Variants in CEP162 observed in about 807,000 individuals in gnomAD.
The protein encoded by CEP162 is centrosomal protein of 162 kDa.
CEP162 carries 141 observed loss-of-function variants against 169.2 expected under a neutral mutation model. The ratio of observed to expected loss-of-function variants is 0.83; its 90% CI spans 0.73 to 0.96. The LOEUF (loss-of-function observed/expected upper bound fraction) is 0.96, where lower values mean the gene tolerates loss of function less well. CEP162 is among the 40% of genes least tolerant of loss of function. CEP162 has a pLI of 0.00. For missense variants in CEP162, 1,600 were observed against 1,587.2 expected, an observed-to-expected ratio of 1.01 and a Z score of -0.14; for synonymous variants, 540 against 526.4, an observed-to-expected ratio of 1.03 and a Z score of -0.35.
intron 25 of CEP162, among the ~76,000 whole-genome samples, chr6:84,138,194 T>C (rs976046428): frequency 6.6e-6 from 1 of 152,216 alleles, no homozygotes; most frequent in East Asian, 1.9e-4. Context: ...TGTGGTCATG[T>C]GGAGTCAAGG....
At chr6:84,219,221 T>C in intron 3 of CEP162, 1 of 1,134,944 alleles carries the variant, frequency 8.8e-7, no homozygotes, top group Non-Finnish European at 1.2e-6. Flanking sequence ...ATGCCTAGTA[T>C]TTAGAACATA....
intron 16 of CEP162, among the ~76,000 whole-genome samples, chr6:84,172,748 C>A (rs1452487827): frequency 6.6e-6 from 1 of 151,994 alleles, no homozygotes; most frequent in Non-Finnish European, 1.5e-5. Context: ...ATTGATGGGG[C>A]AATGCTTTTG....
chr6:84,136,554 C>CAGTT (rs1649486939), intron 25 of CEP162, among the ~76,000 whole-genome samples: 3 of 152,116 alleles, frequency 2.0e-5, no homozygotes, highest in African/African-American at 7.2e-5. Context: ...GAAGCAAAGG[C>CAGTT]AGTTAGTGGG....
intron 25 of CEP162, among the ~76,000 whole-genome samples, chr6:84,138,794 A>AAACTT (rs1439417008): frequency 6.6e-6 from 1 of 152,320 alleles, no homozygotes; most frequent in East Asian, 1.9e-4. Context: ...CTTTCACTAA[A>AAACTT]AACTTTACTT....
rs768470830 is a variant in CEP162, at chr6:84,160,859, T to C, written c.2734A>G (p.Lys912Glu). The C allele has an allele frequency of 6.2e-7, 1 of 1,613,352 alleles. No individual in the cohort carries two copies. Among genetic ancestry groups the C allele is most frequent in the Non-Finnish European group, 8.5e-7 (1 of 1,179,584 alleles). ...NPSIRQKIRL[K>E]DKAADAKKIQ... is the part of the protein sequence containing the mutation. ...TTTTTGGCATCTGCTGCTTTATCTT[T>C]TAAGCGTATCTTCTGCCGAATAGAT... Residue 912 changes from lysine (K) to glutamate (E), a missense_variant, in exon 21 of 27, where the codon AAA becomes GAA. Physicochemically the swap from Lys to Glu is moderately conservative, Grantham distance 56. Coordinates refer to ENST00000403245, the MANE Select transcript of CEP162 (RefSeq NM_014895.4).
At position 84,152,662 on chromosome 6, in the gene CEP162, T is replaced by C; in HGVS notation, c.3512A>G (p.Glu1171Gly). ...PHTFTDSHVS[E>G]VLQENYRLKN... ...TAATCTGTAGTTTTCTTGTAAAACTTCTGAAACATGGGAATCAGTGAAAGT... is the reference window on the plus strand; with the variant it reads ...TAATCTGTAGTTTTCTTGTAAAACTCCTGAAACATGGGAATCAGTGAAAGT... Residue 1171 changes from glutamate to glycine, a missense_variant, in exon 23 of 27, where the codon GAA (glutamate) becomes GGA (glycine). Coordinates refer to ENST00000403245, the MANE Select transcript of CEP162 (RefSeq NM_014895.4). The C allele has an allele frequency of 6.2e-7, 1 of 1,610,354 alleles. No individual in the cohort carries two copies. Among genetic ancestry groups the C allele is most frequent in the Middle Eastern group, 1.7e-4 (1 of 6,060 alleles).
chr6:84,225,663 T>C (rs1361176221), intron 2 of CEP162, among the ~76,000 whole-genome samples: 2 of 152,166 alleles, frequency 1.3e-5, no homozygotes, highest in Non-Finnish European at 2.9e-5. Context: ...AGACCATACA[T>C]TCTTATAATG....
intron 25 of CEP162, among the ~76,000 whole-genome samples, chr6:84,139,984 G>A (rs1287019069): frequency 6.6e-6 from 1 of 152,200 alleles, no homozygotes; most frequent in Admixed American, 6.5e-5. Flanking sequence ...GACAAACTTT[G>A]CTGTGGGTCC....
intron 13 of CEP162, among the ~76,000 whole-genome samples, chr6:84,178,740 A>G (rs1383385864): frequency 1.3e-5 from 2 of 152,158 alleles, no homozygotes; most frequent in Non-Finnish European, 2.9e-5. Context: ...TACATGTTCC[A>G]TGTTGGTGTG....
chr6:84,185,089 T>C, intron 13 of CEP162, 98 bp downstream of exon 13: 1 of 1,141,668 alleles, frequency 8.8e-7, no homozygotes, highest in Non-Finnish European at 1.2e-6. Flanking sequence ...TGTTGCCTCC[T>C]GCAAATTGAA....
At chr6:84,222,068 G>T (rs62449317) in intron 2 of CEP162, among the ~76,000 whole-genome samples, 1 of 150,934 alleles carries the variant, frequency 6.6e-6, no homozygotes, top group Non-Finnish European at 1.5e-5. Context: ...AAAAAAAGTA[G>T]AACAAAACAA....
intron 11 of CEP162, among the ~76,000 whole-genome samples, chr6:84,189,453 C>T (rs543204696): frequency 2.2e-4 from 34 of 152,292 alleles, no homozygotes; most frequent in African/African-American, 7.9e-4. Context: ...TGGTGGGCCC[C>T]GCACTCGGAG....
rs151296472 is a variant in CEP162 at position 84,180,194 on chromosome 6, G to A, written c.1664-4847C>T. Among the ~76,000 whole-genome samples the A allele has an allele frequency of 9.6e-3, 1,458 of 152,188 alleles. 27 individuals carry two copies. Among genetic ancestry groups the A allele is most frequent in the African/African-American group, 0.033 (1,375 of 41,518 alleles). Reference sequence around the variant, plus strand: ...GGGATGCAAGGAGGGTTCAACGTACGCAAATCAATAAACGCAATCCAGCAT... The same window carrying A: ...GGGATGCAAGGAGGGTTCAACGTACACAAATCAATAAACGCAATCCAGCAT... On this transcript the variant is annotated intron_variant, in intron 13 of 26. Coordinates refer to ENST00000403245, the MANE Select transcript of CEP162 (RefSeq NM_014895.4).
intron 25 of CEP162, among the ~76,000 whole-genome samples, chr6:84,134,752 G>T (rs1038612097): frequency 2.0e-5 from 3 of 152,076 alleles, no homozygotes; most frequent in Non-Finnish European, 2.9e-5. Flanking sequence ...CTTCTGTGTT[G>T]ATCTCACTGA....
chr6:84,190,434 C>G (rs1310529575), intron 11 of CEP162, among the ~76,000 whole-genome samples: 1 of 152,124 alleles, frequency 6.6e-6, no homozygotes, highest in Non-Finnish European at 1.5e-5. Flanking sequence ...ACTGTGGAAG[C>G]TTTGTTCTTT....
chr6:84,125,391 T>C (rs1022579524), intron 26 of CEP162, 115 bp from the exon 27 acceptor site: 1 of 807,746 alleles, frequency 1.2e-6, no homozygotes, highest in Non-Finnish European at 2.0e-6. Flanking sequence ...AGGTAAATCA[T>C]AATGCTCTGC....
At chr6:84,183,640 T>C (rs978527005) in intron 13 of CEP162, among the ~76,000 whole-genome samples, 2 of 152,138 alleles carry the variant, frequency 1.3e-5, no homozygotes, top group African/African-American at 4.8e-5. Flanking sequence ...CTTCCTTCAT[T>C]GCTCAGCTTA....
At chr6:84,222,991 G>A (rs2099554295) in intron 2 of CEP162, among the ~76,000 whole-genome samples, 1 of 152,136 alleles carries the variant, frequency 6.6e-6, no homozygotes, top group Middle Eastern at 3.2e-3. Context: ...CTAAACTTCA[G>A]TATCACCTTG....
intron 25 of CEP162, among the ~76,000 whole-genome samples, chr6:84,142,799 T>G (rs893285492): frequency 2.0e-5 from 3 of 152,218 alleles, no homozygotes; most frequent in Admixed American, 1.3e-4. Context: ...ACAGTATCCA[T>G]TATTCCATGT....
Sources: allele counts gnomAD v4.1 joint callset (sites outside exome capture counted in the v4.1 genomes callset), GRCh38; gene constraint gnomAD v4.1.1; transcripts MANE v1.5; gene names NCBI Gene and HGNC (gene_info 2026-07-23, HGNC 2026-07-21).